PAK5: variants seen among roughly 807,000 people sequenced by gnomAD.
The protein encoded by PAK5 is p21 (RAC1) activated kinase 5, also known as serine/threonine-protein kinase PAK 5.
A neutral mutation model predicts 65.9 loss-of-function variants in PAK5; 16 were observed. The observed-to-expected ratio is 0.24, with a 90% CI of 0.16 to 0.37. PAK5 has a LOEUF of 0.37. Ranked by LOEUF, PAK5 falls within the 10% of genes least tolerant of loss-of-function variation. The pLI, the probability that PAK5 is intolerant of heterozygous loss-of-function variation, is 1.00. For missense variants in PAK5, 785 were observed against 903.9 expected, an observed-to-expected ratio of 0.87 and a Z score of 1.69; for synonymous variants, 371 against 354.9, an observed-to-expected ratio of 1.05 and a Z score of -0.51.
At chr20:9,629,107 C>T (rs1398567451) in intron 3 of PAK5, among the ~76,000 whole-genome samples, 1 of 152,140 alleles carries the variant, frequency 6.6e-6, no homozygotes, top group Admixed American at 6.6e-5. Context: ...GATTCTTGCC[C>T]TGTCAAGCCT....
rs577147036 is a variant in PAK5, at chr20:9,554,606, A to G, written c.1743+3002T>C. 2.6e-4 allele frequency among the ~76,000 whole-genome samples: 40 copies of G among 152,330 alleles called. 1 individual carries two copies. The highest frequency in any genetic ancestry group is 9.4e-4 in the African/African-American group (39 of 41,568). ...GTTGAGATGCTTCGTTATAACAGCA[A>G]TAGATAATTGAAAAAGTCTTCTCCA... On this transcript the variant is annotated intron_variant, in intron 7 of 9. Coordinates refer to ENST00000353224, the MANE Select transcript of PAK5 (RefSeq NM_177990.4).
In PAK5 at chr20:9,791,857, T is replaced by G. The variant is rs77860207; in HGVS notation, c.-162+46905A>C. ...TTGGGTCACACCTCCAGGGCTTCAT[T>G]CAAACTGCTGACTCCAGCTGAAATG... On this transcript the variant is annotated intron_variant, in intron 1 of 9. Coordinates refer to ENST00000353224, the MANE Select transcript of PAK5 (RefSeq NM_177990.4). 3.6e-3 allele frequency among the ~76,000 whole-genome samples: 554 copies of G among 152,206 alleles called. 5 individuals carry two copies. The highest frequency in any genetic ancestry group is 0.017 in the Middle Eastern group (5 of 294).
At chr20:9,829,595 G>A (rs973279887) in intron 1 of PAK5, among the ~76,000 whole-genome samples, 8 of 152,138 alleles carry the variant, frequency 5.3e-5, no homozygotes, top group African/African-American at 1.9e-4. Context: ...CATTGCCGTT[G>A]CATGATTAGC....
intron 6 of PAK5, among the ~76,000 whole-genome samples, chr20:9,561,904 A>G (rs2045596337): frequency 6.6e-6 from 1 of 152,188 alleles, no homozygotes; most frequent in Non-Finnish European, 1.5e-5. Flanking sequence ...CAGCATTGCC[A>G]TTGCCTGAAA....
At chr20:9,814,427 A>G (rs979835732) in intron 1 of PAK5, among the ~76,000 whole-genome samples, 31 of 152,302 alleles carry the variant, frequency 2.0e-4, no homozygotes, top group African/African-American at 7.5e-4. Flanking sequence ...TAATATTGCC[A>G]TATTTCATTG....
Position 9,723,276 on chromosome 20 carries a change from G to A in PAK5, c.-161-11841C>T, listed in dbSNP as rs1237309956. Among the ~76,000 whole-genome samples the A allele has an allele frequency of 2.0e-5, 3 of 152,148 alleles. No individual in the cohort carries two copies. In the East Asian group the frequency reaches 5.8e-4, roughly 29 times the overall value. On this transcript the variant is annotated intron_variant, in intron 1 of 9. Coordinates refer to ENST00000353224, the MANE Select transcript of PAK5 (RefSeq NM_177990.4). The stretch of plus-strand genomic sequence containing the variant: ...GGAGCAGTAGTGGGAACAGTGAGAC[G>A]TGGTTCAATTCTAGATGTATTTTGA...
chr20:9,830,791 G>A (rs1978649380), intron 1 of PAK5, among the ~76,000 whole-genome samples: 2 of 152,190 alleles, frequency 1.3e-5, no homozygotes, highest in Non-Finnish European at 2.9e-5. Context: ...GCACATCACA[G>A]TGAACATTAG....
intron 1 of PAK5, among the ~76,000 whole-genome samples, chr20:9,744,428 A>G (rs940944654): frequency 6.6e-6 from 1 of 152,234 alleles, no homozygotes; most frequent in Non-Finnish European, 1.5e-5. Context: ...TAAGAGCTAG[A>G]TCATTTAAGC....
chr20:9,640,345 AATG>A (rs1311975953), intron 3 of PAK5, among the ~76,000 whole-genome samples: 1 of 151,468 alleles, frequency 6.6e-6, no homozygotes, highest in Non-Finnish European at 1.5e-5. Flanking sequence ...GTTTGCTGAG[AATG>A]ATGGTTTCCA....
At chr20:9,725,262 G>A (rs1460236976) in intron 1 of PAK5, among the ~76,000 whole-genome samples, 1 of 152,046 alleles carries the variant, frequency 6.6e-6, no homozygotes, top group Non-Finnish European at 1.5e-5. Flanking sequence ...CAGAAATATG[G>A]TTTAGAAAAT....
In PAK5 at chr20:9,580,690, TCTC is replaced by T; in HGVS notation, c.442_444del (p.Glu148del). 1 of 1,614,054 alleles carries T rather than the reference TCTC, an allele frequency of 6.2e-7. No homozygotes were observed. The highest frequency in any genetic ancestry group is 2.2e-5 in the East Asian group (1 of 44,862). The stretch of plus-strand genomic sequence containing the variant: ...TCCAGATCATCTCCATAGAGACTCT[TCTC>T]CCTGTACTTTTCGGTCGTGTAGTCA... On this transcript the variant is annotated inframe_deletion, in exon 4 of 10. Transcript: ENST00000353224.
chr20:9,608,604 T>G (rs2046499374), intron 3 of PAK5, among the ~76,000 whole-genome samples: 1 of 152,244 alleles, frequency 6.6e-6, no homozygotes, highest in Non-Finnish European at 1.5e-5. Flanking sequence ...GAAAAATATT[T>G]TAAATATCAA....
intron 7 of PAK5, among the ~76,000 whole-genome samples, chr20:9,550,421 T>A (rs928714767): frequency 2.6e-5 from 4 of 152,040 alleles, no homozygotes; most frequent in African/African-American, 9.7e-5. Context: ...AGAAGATGCT[T>A]CTTATCTCCT....
chr20:9,609,488 G>T (rs918669247), intron 3 of PAK5, among the ~76,000 whole-genome samples: 1 of 152,182 alleles, frequency 6.6e-6, no homozygotes, highest in Non-Finnish European at 1.5e-5. Context: ...GACAGAGCAG[G>T]CCGAGATGCA....
chr20:9,685,094 C>G (rs2047700077), intron 2 of PAK5, among the ~76,000 whole-genome samples: 1 of 152,178 alleles, frequency 6.6e-6, no homozygotes, highest in South Asian at 2.1e-4. Context: ...CAGCACTTCC[C>G]TTGTCTTTCC....
chr20:9,772,296 T>C (rs2048842133), intron 1 of PAK5, among the ~76,000 whole-genome samples: 1 of 152,172 alleles, frequency 6.6e-6, no homozygotes. Context: ...TATAATTGGA[T>C]GATTATAAAT....
intron 1 of PAK5, among the ~76,000 whole-genome samples, chr20:9,831,029 C>G (rs1477218742): frequency 6.6e-6 from 1 of 152,164 alleles, no homozygotes; most frequent in East Asian, 1.9e-4. Context: ...ATCAAGGCAC[C>G]CCCCCTCCTA....
intron 6 of PAK5, among the ~76,000 whole-genome samples, chr20:9,557,942 T>C (rs1214089672): frequency 6.6e-6 from 1 of 152,114 alleles, no homozygotes; most frequent in Non-Finnish European, 1.5e-5. Context: ...CAAATATAAG[T>C]CAAAGGAAAG....
At chr20:9,637,104 G>A (rs2046991535) in intron 3 of PAK5, among the ~76,000 whole-genome samples, 1 of 152,106 alleles carries the variant, frequency 6.6e-6, no homozygotes, top group Non-Finnish European at 1.5e-5. Context: ...AGGCTCAAAC[G>A]ATCCTCCCAC....
Sources: allele counts gnomAD v4.1 joint callset (sites outside exome capture counted in the v4.1 genomes callset), GRCh38; gene constraint gnomAD v4.1.1; transcripts MANE v1.5; gene names NCBI Gene and HGNC (gene_info 2026-07-23, HGNC 2026-07-21).